Variants in ST6GALNAC5 observed in about 807,000 individuals in gnomAD.
ST6GALNAC5 encodes alpha-N-acetylgalactosaminide alpha-2,6-sialyltransferase 5.
Under a neutral mutation model 33.6 loss-of-function variants are expected in ST6GALNAC5, and 27 were observed. The observed-to-expected ratio is 0.80, with a 90% CI of 0.59 to 1.11. ST6GALNAC5 has a LOEUF of 1.11. ST6GALNAC5 is among the 50% of genes least tolerant of loss of function. The probability of loss-of-function intolerance (pLI) is 0.00; values close to 1 mark genes in which losing one functional copy is unlikely to be tolerated. For missense variants in ST6GALNAC5, 428 were observed against 454.0 expected (o/e 0.94, Z 0.52); for synonymous variants, 194 against 171.2 (o/e 1.13, Z -1.04).
chr1:76,907,743 T>C (rs1464199944), intron 2 of ST6GALNAC5, among the ~76,000 whole-genome samples: 2 of 152,130 alleles, frequency 1.3e-5, no homozygotes, highest in African/African-American at 2.4e-5. Context: ...GGAGGGGTCT[T>C]ATAAGTGGCG....
intron 2 of ST6GALNAC5, among the ~76,000 whole-genome samples, chr1:76,982,315 T>G (rs1649290560): frequency 6.6e-6 from 1 of 152,138 alleles, no homozygotes; most frequent in Non-Finnish European, 1.5e-5. Flanking sequence ...AGAGAAGACC[T>G]TAAATGACCT....
intron 2 of ST6GALNAC5, among the ~76,000 whole-genome samples, chr1:76,939,855 G>T (rs1647288876): frequency 1.3e-5 from 2 of 152,204 alleles, no homozygotes; most frequent in South Asian, 4.1e-4. Flanking sequence ...GAGACTCCCT[G>T]GATTTGAGTC....
chr1:77,022,598 A>C (rs1302629218), intron 2 of ST6GALNAC5, among the ~76,000 whole-genome samples: 1 of 152,224 alleles, frequency 6.6e-6, no homozygotes, highest in Non-Finnish European at 1.5e-5. Flanking sequence ...CTTATACCTC[A>C]GTAAGGTCAC....
At chr1:77,038,088 G>A (rs1411960482) in intron 2 of ST6GALNAC5, among the ~76,000 whole-genome samples, 2 of 152,138 alleles carry the variant, frequency 1.3e-5, no homozygotes, top group South Asian at 2.1e-4. Flanking sequence ...CAAAGTCAGT[G>A]ACTCAAAAAA....
intron 2 of ST6GALNAC5, among the ~76,000 whole-genome samples, chr1:76,873,795 A>C (rs1276042826): frequency 6.6e-6 from 1 of 152,220 alleles, no homozygotes; most frequent in African/African-American, 2.4e-5. Context: ...AAATGTTTTT[A>C]ATCATCACAA....
chr1:76,870,927 T>C (rs1271629119), intron 2 of ST6GALNAC5, among the ~76,000 whole-genome samples: 1 of 152,204 alleles, frequency 6.6e-6, no homozygotes, highest in Admixed American at 6.5e-5. Flanking sequence ...ATCCCAATTG[T>C]CCCACTGAAC....
chr1:77,051,658 G>T (rs1195831391), intron 4 of ST6GALNAC5, among the ~76,000 whole-genome samples: 1 of 152,174 alleles, frequency 6.6e-6, no homozygotes, highest in African/African-American at 2.4e-5. Flanking sequence ...AGTTAGCTTG[G>T]ATCCTCACCC....
chr1:76,981,655 T>C (rs1649256460), intron 2 of ST6GALNAC5, among the ~76,000 whole-genome samples: 1 of 56,594 alleles, frequency 1.8e-5, no homozygotes, highest in South Asian at 7.4e-4. Context: ...GCATTGCATT[T>C]GAGCTCGAGA....
chr1:76,957,891 A>AT (rs1180471555), intron 2 of ST6GALNAC5, among the ~76,000 whole-genome samples: 1 of 151,952 alleles, frequency 6.6e-6, no homozygotes, highest in Non-Finnish European at 1.5e-5. Flanking sequence ...CATTGCACTT[A>AT]TTTATTATGT....
At chr1:76,971,299 C>T (rs926306635) in intron 2 of ST6GALNAC5, among the ~76,000 whole-genome samples, 2 of 152,020 alleles carry the variant, frequency 1.3e-5, no homozygotes, top group African/African-American at 2.4e-5. Flanking sequence ...GTTTCATGGC[C>T]GTGAGGTAGG....
rs17099712 is a variant in ST6GALNAC5, at chr1:76,925,574, T to C, written c.261+56832T>C. Among the ~76,000 whole-genome samples, 724 of 152,142 alleles carry C rather than the reference T, an allele frequency of 4.8e-3. 2 individuals carry two copies. The highest frequency in any genetic ancestry group is 0.017 in the African/African-American group (704 of 41,524). On this transcript the variant is annotated intron_variant, in intron 2 of 4. Coordinates refer to ENST00000477717, the MANE Select transcript of ST6GALNAC5 (RefSeq NM_030965.3). ...GAGTTTCAAAGCCTCCATCATTAGG[T>C]GCAGCCATCCAAGGCAAATATTTGA...
chr1:76,899,235 GAGA>G (rs1646790091), intron 2 of ST6GALNAC5, among the ~76,000 whole-genome samples: 1 of 152,088 alleles, frequency 6.6e-6, no homozygotes, highest in Non-Finnish European at 1.5e-5. Context: ...CAGGCTAAGG[GAGA>G]AGAAGGAGGA....
chr1:76,898,424 A>C (rs1489953683), intron 2 of ST6GALNAC5, among the ~76,000 whole-genome samples: 5 of 152,312 alleles, frequency 3.3e-5, no homozygotes, highest in Admixed American at 1.3e-4. Context: ...GAGGTTAATT[A>C]AGTCCTGTTG....
chr1:76,897,646 A>G (rs914043035), intron 2 of ST6GALNAC5, among the ~76,000 whole-genome samples: 2 of 152,172 alleles, frequency 1.3e-5, no homozygotes, highest in Non-Finnish European at 2.9e-5. Context: ...GGAGGACTCA[A>G]AGGAGGCTTT....
Position 77,044,360 on chromosome 1 carries a change from A to G in ST6GALNAC5, c.418A>G (p.Ser140Gly). 1 of 1,613,926 alleles carries G rather than the reference A, an allele frequency of 6.2e-7. No individual in the cohort carries two copies. Among genetic ancestry groups the G allele is most frequent in the African/African-American group, 1.3e-5 (1 of 75,054 alleles). Residue 140 changes from serine to glycine, a missense_variant, in exon 3 of 5, where the codon AGC becomes GGC. Physicochemically the swap from Ser to Gly is moderately conservative, Grantham distance 56 (BLOSUM62 0). Coordinates refer to ENST00000477717, the MANE Select transcript of ST6GALNAC5 (RefSeq NM_030965.3). ...TGGGCGTGACGTGGGCAATCGCACCAGCCTGAGGGTCATCGCGCATTCCAG... is the reference window on the plus strand; with the variant it reads ...TGGGCGTGACGTGGGCAATCGCACCGGCCTGAGGGTCATCGCGCATTCCAG... ...GYGRDVGNRT[S>G]LRVIAHSSIQ...
chr1:76,996,080 T>C (rs1250047453), intron 2 of ST6GALNAC5, among the ~76,000 whole-genome samples: 2 of 152,206 alleles, frequency 1.3e-5, no homozygotes, highest in East Asian at 3.8e-4. Flanking sequence ...GTGACAAGCA[T>C]GATTGTCCCC....
chr1:76,871,560 C>G (rs1055568166), intron 2 of ST6GALNAC5, among the ~76,000 whole-genome samples: 23 of 152,124 alleles, frequency 1.5e-4, no homozygotes, highest in African/African-American at 5.3e-4. Context: ...CAAATTACAG[C>G]CTGTCTGCAA....
intron 2 of ST6GALNAC5, among the ~76,000 whole-genome samples, chr1:76,987,510 C>A (rs1182083700): frequency 6.6e-6 from 1 of 152,098 alleles, no homozygotes; most frequent in Non-Finnish European, 1.5e-5. Context: ...AATGTTGCAA[C>A]CTCTTTGAAA....
At chr1:76,952,247 A>G (rs1647777547) in intron 2 of ST6GALNAC5, among the ~76,000 whole-genome samples, 1 of 152,142 alleles carries the variant, frequency 6.6e-6, no homozygotes, top group Admixed American at 6.6e-5. Flanking sequence ...AGAGCTGGAA[A>G]GAGAGGTACC....
Sources: gnomAD v4.1 joint callset for allele counts (sites outside exome capture counted in the v4.1 genomes callset) on GRCh38, gnomAD v4.1.1 for gene constraint, MANE v1.5 for transcripts, NCBI Gene and HGNC (gene_info 2026-07-23, HGNC 2026-07-21) for gene names.